The following MTUS2 variants were observed in gnomAD, a reference collection of about 807,000 sequenced individuals.
MTUS2 encodes microtubule associated scaffold protein 2, also known as microtubule-associated tumor suppressor candidate 2.
MTUS2 carries 40 observed loss-of-function variants against 114.1 expected under a neutral mutation model. The ratio of observed to expected loss-of-function variants is 0.35; its 90% CI spans 0.27 to 0.46. MTUS2 has a LOEUF of 0.46. Ranked by LOEUF, MTUS2 falls within the 20% of genes least tolerant of loss-of-function variation. The pLI is 1.00. For synonymous variants in MTUS2, 688 were observed against 672.0 expected, an observed-to-expected ratio of 1.02 and a Z score of -0.37; for missense variants, 1,679 against 1,705.4, an observed-to-expected ratio of 0.98 and a Z score of 0.27.
chr13:28,918,190 A>G (rs989203480), intron 2 of MTUS2, among the ~76,000 whole-genome samples: 22 of 152,010 alleles, frequency 1.4e-4, no homozygotes, highest in African/African-American at 5.3e-4. Flanking sequence ...TGTTAGGTTG[A>G]TTTGATCTAC....
chr13:29,012,867 A>C (rs577895771), intron 2 of MTUS2, among the ~76,000 whole-genome samples: 3 of 151,848 alleles, frequency 2.0e-5, no homozygotes, highest in African/African-American at 7.2e-5. Flanking sequence ...GAGCGAGACT[A>C]CATCTCAATA....
chr13:29,281,813 A>G lies in MTUS2; in HGVS notation c.2754A>G (p.Thr918=), dbSNP rs767560824. The change falls in exon 6 of 16, where the codon ACA becomes ACG. Residue 918 remains threonine (T), a synonymous_variant. Transcript: ENST00000612955. The part of the protein sequence containing the change: ...RVAPPASSSV[T]APRRSLLPAP... ...CCCCTCCAGCATCCTCCAGTGTGAC[A>G]GCACCCCGCAGGAGTTTACTTCCAG... The G allele has an allele frequency of 1.2e-6, 2 of 1,611,890 alleles. No homozygotes were observed. The highest frequency in any genetic ancestry group is 3.3e-5 in the Admixed American group (2 of 59,932).
intron 5 of MTUS2, among the ~76,000 whole-genome samples, chr13:29,137,121 T>G (rs534009963): frequency 6.6e-6 from 1 of 152,342 alleles, no homozygotes; most frequent in East Asian, 1.9e-4. Flanking sequence ...TGCTGCATCC[T>G]TATAAGAACT....
At chr13:29,194,401 A>G (rs1400207950) in intron 5 of MTUS2, among the ~76,000 whole-genome samples, 10 of 149,308 alleles carry the variant, frequency 6.7e-5, no homozygotes, top group Admixed American at 2.0e-4. Flanking sequence ...TTTACAAGAA[A>G]AAAACAAACA....
intron 7 of MTUS2, among the ~76,000 whole-genome samples, chr13:29,329,681 T>G (rs1054976886): frequency 6.6e-6 from 1 of 151,560 alleles, no homozygotes; most frequent in Non-Finnish European, 1.5e-5. Context: ...TGGTGTGATC[T>G]TGGCTCACTG....
chr13:29,406,816 T>TA (rs1424284322), intron 8 of MTUS2, among the ~76,000 whole-genome samples: 3 of 152,270 alleles, frequency 2.0e-5, no homozygotes, highest in Non-Finnish European at 4.4e-5. Flanking sequence ...TATCATGCTG[T>TA]AAGCATCATC....
At chr13:28,952,272 C>T (rs1297151931) in intron 2 of MTUS2, among the ~76,000 whole-genome samples, 3 of 152,208 alleles carry the variant, frequency 2.0e-5, no homozygotes, top group African/African-American at 7.2e-5. Context: ...TGTTAACAAC[C>T]TCACACATAA....
At chr13:29,286,672 G>GTCTGTCTATCTATCTATCTATCTA (rs577593135) in intron 6 of MTUS2, among the ~76,000 whole-genome samples, 2,586 of 110,926 alleles carry the variant, frequency 0.023, 30 homozygotes, top group Admixed American at 0.027. Context: ...CTGTCTGTCT[G>GTCTGTCTATCTATCTATCTATCTA]TCTATCTATC....
chr13:29,336,967 C>T (rs1901095273), intron 7 of MTUS2, among the ~76,000 whole-genome samples: 1 of 152,172 alleles, frequency 6.6e-6, no homozygotes, highest in Non-Finnish European at 1.5e-5. Flanking sequence ...CTACTCAAGC[C>T]TCAGTAATGG....
At chr13:29,397,667 C>G (rs890484964) in intron 8 of MTUS2, among the ~76,000 whole-genome samples, 3 of 152,232 alleles carry the variant, frequency 2.0e-5, no homozygotes, top group Admixed American at 6.5e-5. Context: ...ACCCACAAAG[C>G]AGACCTCCAG....
chr13:29,361,926 AGT>A (rs959924904), intron 8 of MTUS2, among the ~76,000 whole-genome samples: 2 of 152,218 alleles, frequency 1.3e-5, no homozygotes, highest in Non-Finnish European at 2.9e-5. Flanking sequence ...GAGAGGACGC[AGT>A]GCTAACCCAG....
rs752594092 is a variant in MTUS2 at position 29,497,234 on chromosome 13, G to T, written c.3580-4G>T. The T allele has an allele frequency of 1.2e-5, 19 of 1,611,916 alleles. No individual in the cohort carries two copies. Among genetic ancestry groups the T allele is most frequent in the Non-Finnish European group, 1.5e-5 (18 of 1,179,678 alleles). ...AGCTGGACTCCTTGTATCATTACTT[G>T]CAGGACCAGGTGGACACGCTGACCT... On this transcript the variant is annotated splice_region_variant and splice_polypyrimidine_tract_variant and intron_variant, in intron 12 of 15. Coordinates refer to ENST00000612955, the MANE Select transcript of MTUS2 (RefSeq NM_001033602.4).
intron 11 of MTUS2, among the ~76,000 whole-genome samples, chr13:29,490,563 C>T: frequency 6.6e-6 from 1 of 152,272 alleles, no homozygotes; most frequent in East Asian, 1.9e-4. Context: ...CAAATTATTG[C>T]TGGAATGACA....
At chr13:29,481,952 A>G (rs1413407775) in intron 10 of MTUS2, among the ~76,000 whole-genome samples, 1 of 152,186 alleles carries the variant, frequency 6.6e-6, no homozygotes, top group African/African-American at 2.4e-5. Context: ...ATGTAACTCC[A>G]GTCAGTAGAC....
At chr13:29,085,565 G>T (rs1889654144) in intron 4 of MTUS2, among the ~76,000 whole-genome samples, 1 of 152,144 alleles carries the variant, frequency 6.6e-6, no homozygotes, top group Non-Finnish European at 1.5e-5. Context: ...GTGTTAATTT[G>T]CTTAGGGTAA....
chr13:29,046,791 C>T (rs1222993954), intron 4 of MTUS2, among the ~76,000 whole-genome samples: 3 of 152,098 alleles, frequency 2.0e-5, no homozygotes, highest in Non-Finnish European at 4.4e-5. Context: ...CAGTACCAGG[C>T]ATTATCAGTA....
At chr13:29,484,506 G>C (rs1435856448) in intron 10 of MTUS2, among the ~76,000 whole-genome samples, 1 of 152,238 alleles carries the variant, frequency 6.6e-6, no homozygotes, top group Non-Finnish European at 1.5e-5. Context: ...GCTGCAGAGG[G>C]GCAAAGGCAC....
intron 5 of MTUS2, among the ~76,000 whole-genome samples, chr13:29,242,047 A>C (rs988589115): frequency 6.6e-6 from 1 of 152,220 alleles, no homozygotes; most frequent in Non-Finnish European, 1.5e-5. Context: ...GAGTTTTAAA[A>C]GTAATTTCAT....
At chr13:29,105,334 T>A (rs1205345571) in intron 5 of MTUS2, among the ~76,000 whole-genome samples, 1 of 152,220 alleles carries the variant, frequency 6.6e-6, no homozygotes, top group Non-Finnish European at 1.5e-5. Context: ...GAAAATAGGA[T>A]GACTTAGGTT....
Sources: allele counts gnomAD v4.1 joint callset (sites outside exome capture counted in the v4.1 genomes callset), GRCh38; gene constraint gnomAD v4.1.1; transcripts MANE v1.5; gene names NCBI Gene and HGNC (gene_info 2026-07-23, HGNC 2026-07-21).